CFAP57: variants seen among roughly 807,000 people sequenced by gnomAD.
CFAP57 encodes cilia- and flagella-associated protein 57.
A neutral mutation model predicts 146.8 loss-of-function variants in CFAP57; 116 were observed. That is an observed-to-expected ratio of 0.79 (90% CI 0.68 to 0.92). The LOEUF (loss-of-function observed/expected upper bound fraction) is 0.92. Ranked by LOEUF, CFAP57 falls within the 40% of genes least tolerant of loss-of-function variation. The pLI, the probability that CFAP57 is intolerant of heterozygous loss-of-function variation, is 0.00. For synonymous variants in CFAP57, 518 were observed against 552.8 expected, an observed-to-expected ratio of 0.94 and a Z score of 0.88; for missense variants, 1,377 against 1,527.2, an observed-to-expected ratio of 0.90 and a Z score of 1.64.
chr1:43,250,886 C>A (rs1271599426), intron 22 of CFAP57, among the ~76,000 whole-genome samples: 1 of 152,210 alleles, frequency 6.6e-6, no homozygotes, highest in Non-Finnish European at 1.5e-5. Flanking sequence ...TGGTCTTGTT[C>A]CACCTACAAA....
intron 21 of CFAP57, 21 bp downstream of exon 21, chr1:43,234,659 G>A: frequency 6.5e-7 from 1 of 1,535,218 alleles, no homozygotes; most frequent in African/African-American, 1.4e-5. Flanking sequence ...GCTCCCCTCA[G>A]CCCCTGTGGA....
intron 21 of CFAP57, among the ~76,000 whole-genome samples, chr1:43,235,240 G>A (rs1645642718): frequency 6.6e-6 from 1 of 151,988 alleles, no homozygotes; most frequent in African/African-American, 2.4e-5. Context: ...CCACCTCCCT[G>A]GATCCTTCAT....
rs1644020389 is a variant in CFAP57, at chr1:43,199,516, A to G, written c.1542+13A>G. The G allele has an allele frequency of 1.2e-6, 2 of 1,613,344 alleles. No individual in the cohort carries two copies. The highest frequency in any genetic ancestry group is 1.7e-6 in the Non-Finnish European group (2 of 1,179,406). On this transcript the variant is annotated intron_variant, in intron 9 of 22. Transcript: ENST00000372492. The stretch of plus-strand genomic sequence containing the variant: ...ACACACAGGGAAGGTAAGTGAGTGA[A>G]CAGTCTCTGGGGAAACAAGGGGCAC...
At position 43,238,890 on chromosome 1, in the gene CFAP57, T is replaced by C. The variant is rs1645801726; in HGVS notation, c.3405+4252T>C. Among the ~76,000 whole-genome samples, 1 of 151,948 alleles carries C rather than the reference T, an allele frequency of 6.6e-6. No individual in the cohort carries two copies. On this transcript the variant is annotated intron_variant, in intron 21 of 22. Transcript: ENST00000372492. The surrounding 1 kb of genome is among the most constrained non-coding windows in gnomAD (Gnocchi z 4.3). The stretch of plus-strand genomic sequence containing the variant: ...ATACGGCCTCAGTTTCCTCACAAGG[T>C]TGGTGTAAGGATGAACTGAGGGACT...
At chr1:43,189,390 A>G (rs965701862) in intron 6 of CFAP57, among the ~76,000 whole-genome samples, 3 of 152,172 alleles carry the variant, frequency 2.0e-5, no homozygotes, top group African/African-American at 7.2e-5. Context: ...GATATTTTCC[A>G]TTTATTTAGA....
chr1:43,225,908 C>T (rs964514663), intron 17 of CFAP57, among the ~76,000 whole-genome samples: 1 of 152,228 alleles, frequency 6.6e-6, no homozygotes, highest in Non-Finnish European at 1.5e-5. Flanking sequence ...TGTGGTGGCT[C>T]ACGCCTGTAA....
intron 6 of CFAP57, among the ~76,000 whole-genome samples, chr1:43,187,526 A>C (rs1275122492): frequency 6.6e-6 from 1 of 152,034 alleles, no homozygotes; most frequent in Non-Finnish European, 1.5e-5. Context: ...CAAAGTATAC[A>C]ATTCAGTGGT....
intron 6 of CFAP57, among the ~76,000 whole-genome samples, chr1:43,192,034 G>A (rs1262713669): frequency 6.6e-6 from 1 of 151,414 alleles, no homozygotes; most frequent in Non-Finnish European, 1.5e-5. Flanking sequence ...CTGCTTATTT[G>A]TGAGTTTTCC....
intron 22 of CFAP57, among the ~76,000 whole-genome samples, chr1:43,244,131 A>G (rs1570347072): frequency 6.6e-6 from 1 of 152,184 alleles, no homozygotes; most frequent in South Asian, 2.1e-4. Context: ...CCAAAGAAGC[A>G]TTTTTCAAGT....
intron 9 of CFAP57, among the ~76,000 whole-genome samples, chr1:43,202,573 G>C (rs183797840): frequency 6.6e-6 from 1 of 151,860 alleles, no homozygotes; most frequent in East Asian, 1.9e-4. Context: ...CCTTGAGATC[G>C]GGAGTTCGAG....
At chr1:43,232,426 C>G in intron 18 of CFAP57, 82 bp from the exon 19 acceptor site, 1 of 1,168,086 alleles carries the variant, frequency 8.6e-7, no homozygotes. Context: ...GGTGGCATCC[C>G]CACTGAAAGA....
intron 6 of CFAP57, among the ~76,000 whole-genome samples, chr1:43,187,683 T>TA (rs1643233285): frequency 6.6e-6 from 1 of 151,478 alleles, no homozygotes; most frequent in African/African-American, 2.4e-5. Context: ...ACCCCAGCCC[T>TA]AGGCCACTAC....
At chr1:43,222,056 A>C (rs1173865905) in intron 14 of CFAP57, 49 bp from the exon 15 acceptor site, 8 of 1,472,898 alleles carry the variant, frequency 5.4e-6, no homozygotes, top group Middle Eastern at 1.9e-4. Flanking sequence ...GGTGTCCCTG[A>C]AGCAAGTGCT....
At chr1:43,213,157 C>T (rs947513781) in intron 11 of CFAP57, among the ~76,000 whole-genome samples, 1 of 151,858 alleles carries the variant, frequency 6.6e-6, no homozygotes, top group African/African-American at 2.4e-5. Flanking sequence ...GCATGATCTC[C>T]GCTCACTGCA....
intron 22 of CFAP57, among the ~76,000 whole-genome samples, chr1:43,249,634 G>A (rs1048637561): frequency 6.8e-6 from 1 of 146,198 alleles, no homozygotes; most frequent in African/African-American, 2.5e-5. Flanking sequence ...AGTAGAAATG[G>A]GGTTTCACCG....
At chr1:43,181,102 C>A (rs1056919981) in intron 2 of CFAP57, among the ~76,000 whole-genome samples, 21 of 151,952 alleles carry the variant, frequency 1.4e-4, no homozygotes, top group African/African-American at 5.1e-4. Flanking sequence ...GGGACAGTCT[C>A]GCTCTGTCTC....
chr1:43,197,313 C>T (rs1055142365), intron 6 of CFAP57, among the ~76,000 whole-genome samples: 15 of 152,194 alleles, frequency 9.9e-5, no homozygotes, highest in Non-Finnish European at 1.5e-4. Context: ...GATGAGATTG[C>T]GCCACTGCAC....
Position 43,222,170 on chromosome 1 carries a change from C to T in CFAP57, c.2407C>T (p.Gln803Ter). 6.5e-7 allele frequency: 1 copy of T among 1,547,872 alleles called. No individual in the cohort carries two copies. The highest frequency in any genetic ancestry group is 8.7e-7 in the Non-Finnish European group (1 of 1,145,386). The change falls in exon 15 of 23, where the codon CAG (glutamine) becomes TAG (stop). Residue 803 changes from glutamine to a stop codon, truncating the protein, a stop_gained. Transcript: ENST00000372492. LOFTEE classifies it high-confidence loss of function. ...GTACCAGGAGCTGCAGCTCAAGTCC[C>T]AGAGGATGCAGGAAGAGTATGAAAA... is the stretch of plus-strand genomic sequence containing the variant. ...EKYQELQLKS[Q>*]RMQEEYEKQL... is the part of the protein sequence containing the mutation.
chr1:43,233,042 C>T (rs1645537548), intron 19 of CFAP57, among the ~76,000 whole-genome samples: 1 of 152,136 alleles, frequency 6.6e-6, no homozygotes, highest in Non-Finnish European at 1.5e-5. Flanking sequence ...AATTAGGCCC[C>T]AAAAATTGGG....
Sources: allele counts gnomAD v4.1 joint callset (sites outside exome capture counted in the v4.1 genomes callset), GRCh38; gene constraint gnomAD v4.1.1; non-coding constraint Gnocchi (gnomAD v3.1); transcripts MANE v1.5; gene names NCBI Gene and HGNC (gene_info 2026-07-23, HGNC 2026-07-21).